The following PLCXD3 variants were observed in gnomAD, a reference collection of about 807,000 sequenced individuals.
The protein encoded by PLCXD3 is PI-PLC X domain-containing protein 3.
In PLCXD3, 19 loss-of-function variants were observed where a neutral mutation model predicts 25.5. The ratio of observed to expected loss-of-function variants is 0.75; its 90% confidence interval spans 0.52 to 1.09. The LOEUF (loss-of-function observed/expected upper bound fraction) is 1.09, where lower values mean the gene tolerates loss of function less well. Ranked by LOEUF, PLCXD3 falls within the 50% of genes least tolerant of loss-of-function variation. The probability of loss-of-function intolerance (pLI) is 0.00; values close to 1 mark genes in which losing one functional copy is unlikely to be tolerated. For synonymous variants in PLCXD3, 174 were observed against 137.6 expected (o/e 1.26, Z -1.85); for missense variants, 411 against 388.1 (o/e 1.06, Z -0.50).
intron 2 of PLCXD3, among the ~76,000 whole-genome samples, chr5:41,336,424 T>C (rs186352641): frequency 1.3e-4 from 20 of 152,244 alleles, no homozygotes; most frequent in Admixed American, 1.3e-3. Context: ...CCATTATTAG[T>C]GTTAATGCTT....
At chr5:41,386,697 T>C (rs1273010895) in intron 1 of PLCXD3, among the ~76,000 whole-genome samples, 1 of 152,068 alleles carries the variant, frequency 6.6e-6, no homozygotes, top group African/African-American at 2.4e-5. Context: ...AAATGCAGTG[T>C]TGTAGAGAAG....
At chr5:41,393,081 A>G (rs1745884329) in intron 1 of PLCXD3, among the ~76,000 whole-genome samples, 1 of 152,202 alleles carries the variant, frequency 6.6e-6, no homozygotes, top group Non-Finnish European at 1.5e-5. Context: ...ATAGCACCAA[A>G]AGGGCAAATC....
At chr5:41,483,316 C>T (rs1343684121) in intron 1 of PLCXD3, among the ~76,000 whole-genome samples, 1 of 152,084 alleles carries the variant, frequency 6.6e-6, no homozygotes. Context: ...GTGAGTTTTG[C>T]ATTACCTATG....
intron 2 of PLCXD3, among the ~76,000 whole-genome samples, chr5:41,355,921 T>G (rs1160816714): frequency 6.6e-6 from 1 of 152,166 alleles, no homozygotes; most frequent in African/African-American, 2.4e-5. Context: ...TCAAATGGCC[T>G]CCTTTGGCTT....
At chr5:41,399,384 CA>C (rs1746110000) in intron 1 of PLCXD3, among the ~76,000 whole-genome samples, 1 of 151,998 alleles carries the variant, frequency 6.6e-6, no homozygotes, top group Non-Finnish European at 1.5e-5. Flanking sequence ...CTAGAATAGC[CA>C]AAGCAATCTC....
chr5:41,496,251 A>C (rs1221755425), intron 1 of PLCXD3, among the ~76,000 whole-genome samples: 1 of 152,102 alleles, frequency 6.6e-6, no homozygotes, highest in East Asian at 1.9e-4. Flanking sequence ...TATACACATT[A>C]TGAAATTTTA....
At chr5:41,457,570 C>A (rs1311804814) in intron 1 of PLCXD3, among the ~76,000 whole-genome samples, 1 of 151,886 alleles carries the variant, frequency 6.6e-6, no homozygotes, top group African/African-American at 2.4e-5. Context: ...GCCTCAGATA[C>A]AATACTGGGA....
chr5:41,429,876 T>C (rs1747050728), intron 1 of PLCXD3, among the ~76,000 whole-genome samples: 1 of 152,188 alleles, frequency 6.6e-6, no homozygotes, highest in African/African-American at 2.4e-5. Flanking sequence ...ATGTTTAGTG[T>C]TCTTATTTAG....
intron 1 of PLCXD3, among the ~76,000 whole-genome samples, chr5:41,389,891 T>G (rs1745756629): frequency 6.6e-6 from 1 of 152,188 alleles, no homozygotes; most frequent in African/African-American, 2.4e-5. Flanking sequence ...TCATTTTAAG[T>G]ATACAATTCT....
chr5:41,411,913 TATCC>T lies in PLCXD3; in HGVS notation c.104-29383_104-29380del, dbSNP rs1746548948. On this transcript the variant is annotated intron_variant, in intron 1 of 2. Coordinates refer to ENST00000377801, the MANE Select transcript of PLCXD3 (RefSeq NM_001005473.3). ...CCATATATATATCTCCATATATATGTATCCATATATATATCTCCATATATATGTA... is the reference window on the plus strand; with the variant it reads ...CCATATATATATCTCCATATATATGTATATATATATCTCCATATATATGTA... Among the ~76,000 whole-genome samples, 2 of 5,002 alleles carry T rather than the reference TATCC, an allele frequency of 4.0e-4. 1 individual carries two copies. The highest frequency in any genetic ancestry group is 1.4e-3 in the Non-Finnish European group (2 of 1,452). The allele number at this position is 5,002 out of a possible 152,430, so 3.3% of individuals were successfully genotyped here. A position where few individuals can be genotyped will look rare whatever the true frequency, so the allele number is the denominator to read the frequency against.
chr5:41,372,188 A>T (rs1000857386), intron 2 of PLCXD3, among the ~76,000 whole-genome samples: 17 of 152,036 alleles, frequency 1.1e-4, no homozygotes, highest in Non-Finnish European at 2.2e-4. Context: ...CAGCAATTCC[A>T]TAGAAGAAAA....
At chr5:41,424,935 T>C (rs776907005) in intron 1 of PLCXD3, among the ~76,000 whole-genome samples, 6 of 152,198 alleles carry the variant, frequency 3.9e-5, no homozygotes, top group Non-Finnish European at 7.4e-5. Context: ...AACTTTATGA[T>C]CTAGCACACA....
In PLCXD3 at chr5:41,401,328, A is replaced by G. The variant is rs142350599; in HGVS notation, c.104-18794T>C. Among the ~76,000 whole-genome samples, 22 of 152,182 alleles carry G rather than the reference A, an allele frequency of 1.4e-4. 1 individual carries two copies. The East Asian group carries it at 3.9e-3, about 27-fold the overall frequency. Reference sequence around the variant, plus strand: ...AAAAATGTTTTCTTCTGGAAGTTTTATAGTTTTGGCATTTATATCTGGGTC... The same window carrying G: ...AAAAATGTTTTCTTCTGGAAGTTTTGTAGTTTTGGCATTTATATCTGGGTC... On this transcript the variant is annotated intron_variant, in intron 1 of 2. Coordinates refer to ENST00000377801, the MANE Select transcript of PLCXD3 (RefSeq NM_001005473.3).
chr5:41,410,593 G>T lies in PLCXD3; in HGVS notation c.104-28059C>A, dbSNP rs1746490811. ...TATTACTGTATGTTCTGATATCCAG[G>T]CTCAGCACTGACAGCTGTCCTTCTA... On this transcript the variant is annotated intron_variant, in intron 1 of 2. Coordinates refer to ENST00000377801, the MANE Select transcript of PLCXD3 (RefSeq NM_001005473.3). Among the ~76,000 whole-genome samples, 3 of 152,082 alleles carry T rather than the reference G, an allele frequency of 2.0e-5. No homozygotes were observed. The South Asian group carries it at 6.2e-4, about 32-fold the overall frequency.
intron 2 of PLCXD3, among the ~76,000 whole-genome samples, chr5:41,373,012 C>A (rs1339631066): frequency 6.6e-6 from 1 of 152,100 alleles, no homozygotes; most frequent in Non-Finnish European, 1.5e-5. Flanking sequence ...CCACTGTACT[C>A]CAGCCTGGGT....
At chr5:41,425,355 T>A (rs1010806418) in intron 1 of PLCXD3, among the ~76,000 whole-genome samples, 11 of 152,130 alleles carry the variant, frequency 7.2e-5, no homozygotes, top group African/African-American at 2.7e-4. Flanking sequence ...CCAGGAAAAT[T>A]AAGCATAAGG....
intron 1 of PLCXD3, among the ~76,000 whole-genome samples, chr5:41,446,977 A>G (rs1747518690): frequency 6.6e-6 from 1 of 152,220 alleles, no homozygotes; most frequent in South Asian, 2.1e-4. Flanking sequence ...TAATTGTTCA[A>G]TAGCTGCAAA....
At chr5:41,380,936 T>G (rs1009551045) in intron 2 of PLCXD3, among the ~76,000 whole-genome samples, 1 of 152,116 alleles carries the variant, frequency 6.6e-6, no homozygotes. Context: ...ATCCTACATG[T>G]TTGGCTGGGC....
chr5:41,469,486 G>T (rs1748102250), intron 1 of PLCXD3, among the ~76,000 whole-genome samples: 1 of 125,034 alleles, frequency 8.0e-6, no homozygotes, highest in African/African-American at 2.8e-5. Flanking sequence ...GAATCCATCT[G>T]GTTGTGAGCT....
Sources: gnomAD v4.1 joint callset for allele counts (sites outside exome capture counted in the v4.1 genomes callset) on GRCh38, gnomAD v4.1.1 for gene constraint, MANE v1.5 for transcripts, NCBI Gene and HGNC (gene_info 2026-07-23, HGNC 2026-07-21) for gene names.